The following RPN2 variants were observed in gnomAD, a reference collection of about 807,000 sequenced individuals.
The protein encoded by RPN2 is dolichyl-diphosphooligosaccharide--protein glycosyltransferase subunit 2.
A neutral mutation model predicts 71.4 loss-of-function variants in RPN2; 29 were observed. That is an observed-to-expected ratio of 0.41 (90% CI 0.30 to 0.55). The LOEUF (loss-of-function observed/expected upper bound fraction) is 0.55, where lower values mean the gene tolerates loss of function less well. Ranked by LOEUF, RPN2 falls within the 20% of genes least tolerant of loss-of-function variation. The pLI is 0.35. For missense variants in RPN2, 726 were observed against 774.1 expected (o/e 0.94, Z 0.74); for synonymous variants, 308 against 305.0 (o/e 1.01, Z -0.10).
Position 37,194,621 on chromosome 20 carries a change from A to G in RPN2, c.208-3776A>G, listed in dbSNP as rs112033629. Among the ~76,000 whole-genome samples the G allele has an allele frequency of 9.3e-3, 1,413 of 152,342 alleles. 20 individuals carry two copies. Among genetic ancestry groups the G allele is most frequent in the African/African-American group, 0.032 (1,349 of 41,574 alleles). On this transcript the variant is annotated intron_variant, in intron 2 of 16. Coordinates refer to ENST00000237530, the MANE Select transcript of RPN2 (RefSeq NM_002951.5). ...GTTAATACATTATAGGAGAAGTTGA[A>G]TTGACGAGGTAATGGGCTTCCAGAT...
intron 2 of RPN2, among the ~76,000 whole-genome samples, chr20:37,184,972 T>G (rs779668757): frequency 1.3e-5 from 2 of 152,146 alleles, no homozygotes; most frequent in Non-Finnish European, 2.9e-5. Context: ...ACACATGTAC[T>G]TACTAAGTGC....
chr20:37,228,768 C>T (rs775546081), intron 12 of RPN2, 24 bp downstream of exon 12: 6 of 1,611,134 alleles, frequency 3.7e-6, no homozygotes. Context: ...TGTACCCCGA[C>T]CCAGGTGAGA....
chr20:37,199,850 T>G (rs546547887), intron 4 of RPN2, among the ~76,000 whole-genome samples: 62 of 152,304 alleles, frequency 4.1e-4, no homozygotes, highest in African/African-American at 1.4e-3. Context: ...TTTATTTATT[T>G]AGAGACAGGA....
At chr20:37,215,570 TTCGAG>T (rs2067787180) in intron 9 of RPN2, among the ~76,000 whole-genome samples, 1 of 152,190 alleles carries the variant, frequency 6.6e-6, no homozygotes, top group African/African-American at 2.4e-5. Flanking sequence ...TTCCCTGTAC[TTCGAG>T]TCCATCTTAA....
chr20:37,183,488 C>A (rs1356842565), intron 1 of RPN2, among the ~76,000 whole-genome samples: 3 of 152,124 alleles, frequency 2.0e-5, no homozygotes, highest in Non-Finnish European at 4.4e-5. Flanking sequence ...AAAGTGCTGG[C>A]CCGGCCAGAT....
chr20:37,184,445 G>C, intron 2 of RPN2, 72 bp downstream of exon 2: 2 of 1,303,516 alleles, frequency 1.5e-6, no homozygotes, highest in Non-Finnish European at 2.2e-6. Context: ...ATTCCTTTGG[G>C]GTAGTTCAAA....
chr20:37,195,868 C>T lies in RPN2; in HGVS notation c.208-2529C>T, dbSNP rs2067245869. 2.6e-5 allele frequency among the ~76,000 whole-genome samples: 4 copies of T among 152,130 alleles called. No individual in the cohort carries two copies. The South Asian group carries it at 6.2e-4, about 24-fold the overall frequency. On this transcript the variant is annotated intron_variant, in intron 2 of 16. Transcript: ENST00000237530. ...TTTGTTTCCTTTCTCTCTCTGGCTT[C>T]TTTAAAACTTCTGGTTGAAACTCAT... is the stretch of plus-strand genomic sequence containing the variant.
intron 12 of RPN2, 58 bp downstream of exon 12, chr20:37,228,802 G>A (rs745657530): frequency 6.4e-7 from 1 of 1,558,146 alleles, no homozygotes; most frequent in Non-Finnish European, 8.8e-7. Flanking sequence ...AGGCACTGGT[G>A]GCTCTTTTTC....
At chr20:37,241,179 A>C (rs1600862114) in intron 16 of RPN2, 124 bp from the exon 17 acceptor site, 2 of 1,086,850 alleles carry the variant, frequency 1.8e-6, no homozygotes, top group East Asian at 5.0e-5. Flanking sequence ...ATAAATGATT[A>C]TTCCCTTATA....
intron 12 of RPN2, among the ~76,000 whole-genome samples, chr20:37,229,321 G>A (rs2068171379): frequency 6.6e-6 from 1 of 152,174 alleles, no homozygotes. Flanking sequence ...GTTGAAGAAT[G>A]GCAAGGGTTT....
chr20:37,199,571 T>G (rs1236551506), intron 4 of RPN2, among the ~76,000 whole-genome samples: 1 of 152,068 alleles, frequency 6.6e-6, no homozygotes, highest in Admixed American at 6.5e-5. Flanking sequence ...GCATGTCTTG[T>G]TGAGGCTTGG....
intron 9 of RPN2, among the ~76,000 whole-genome samples, chr20:37,216,571 C>T (rs939290051): frequency 6.6e-6 from 1 of 152,032 alleles, no homozygotes; most frequent in Non-Finnish European, 1.5e-5. Context: ...AAGCGATTCT[C>T]CTGCCTCAGC....
chr20:37,179,464 C>A, intron 1 of RPN2, 95 bp downstream of exon 1: 2 of 1,424,696 alleles, frequency 1.4e-6, no homozygotes, highest in Non-Finnish European at 1.9e-6. Context: ...TCCCCTTCCC[C>A]TGCGGGACAG....
chr20:37,232,286 C>G lies in RPN2; in HGVS notation c.1582-10C>G. On this transcript the variant is annotated splice_polypyrimidine_tract_variant and intron_variant, in intron 13 of 16. Coordinates refer to ENST00000237530, the MANE Select transcript of RPN2 (RefSeq NM_002951.5). ...ACATTCTTAAGTCTTCTTGGTGTGT[C>G]TTTCGGCAGCACCTGTTCCGCGAGC... 6.2e-7 allele frequency: 1 copy of G among 1,614,206 alleles called. No individual in the cohort carries two copies. The highest frequency in any genetic ancestry group is 8.5e-7 in the Non-Finnish European group (1 of 1,180,026).
chr20:37,187,922 C>G (rs1037931315), intron 2 of RPN2, among the ~76,000 whole-genome samples: 1 of 152,038 alleles, frequency 6.6e-6, no homozygotes, highest in Admixed American at 6.6e-5. Context: ...GGATTACACG[C>G]GTGAGCCACT....
intron 1 of RPN2, among the ~76,000 whole-genome samples, chr20:37,181,470 A>C (rs1600724757): frequency 7.1e-6 from 1 of 140,282 alleles, no homozygotes; most frequent in Admixed American, 7.6e-5. Flanking sequence ...CCCAGGCTGG[A>C]GTGCAGTGGC....
intron 11 of RPN2, 55 bp from the exon 12 acceptor site, chr20:37,228,495 C>G: frequency 4.5e-6 from 7 of 1,545,214 alleles, no homozygotes; most frequent in Non-Finnish European, 5.4e-6. Flanking sequence ...CAATGTTAGG[C>G]CCAGGGAGAA....
intron 2 of RPN2, among the ~76,000 whole-genome samples, chr20:37,194,134 TG>T (rs1231693352): frequency 1.3e-5 from 2 of 152,182 alleles, no homozygotes; most frequent in Non-Finnish European, 2.9e-5. Context: ...AGGTTGCCAC[TG>T]GCCTGCTGGG....
chr20:37,216,294 G>A (rs966144474), intron 9 of RPN2, among the ~76,000 whole-genome samples: 4 of 152,036 alleles, frequency 2.6e-5, no homozygotes, highest in Admixed American at 6.5e-5. Context: ...AGCTGAGATC[G>A]TGCCACCGCA....
Sources: gnomAD v4.1 joint callset for allele counts (sites outside exome capture counted in the v4.1 genomes callset) on GRCh38, gnomAD v4.1.1 for gene constraint, MANE v1.5 for transcripts, NCBI Gene and HGNC (gene_info 2026-07-23, HGNC 2026-07-21) for gene names.